The following KDM1B variants were observed in gnomAD, a reference collection of about 807,000 sequenced individuals.
The protein encoded by KDM1B is lysine-specific histone demethylase 2.
A neutral mutation model predicts 107.4 loss-of-function variants in KDM1B; 63 were observed. The observed-to-expected ratio is 0.59, with a 90% CI of 0.48 to 0.72. The LOEUF (loss-of-function observed/expected upper bound fraction) is 0.72, where lower values mean the gene tolerates loss of function less well. KDM1B is among the 30% of genes least tolerant of loss of function. KDM1B has a pLI of 0.00. For synonymous variants in KDM1B, 363 were observed against 363.9 expected (o/e 1.00, Z 0.03); for missense variants, 749 against 1,020.8 (o/e 0.73, Z 3.63).
At chr6:18,175,825 A>G (rs947106834) in intron 7 of KDM1B, among the ~76,000 whole-genome samples, 14 of 152,166 alleles carry the variant, frequency 9.2e-5, no homozygotes, top group African/African-American at 3.1e-4. Context: ...TCATTGGTCT[A>G]TGTGCCTATT....
At chr6:18,193,390 T>C (rs527535187) in intron 10 of KDM1B, among the ~76,000 whole-genome samples, 1 of 139,502 alleles carries the variant, frequency 7.2e-6, no homozygotes, top group African/African-American at 2.6e-5. Flanking sequence ...TACAGCAGCC[T>C]CGCCTTCCCA....
chr6:18,217,705 C>T (rs1313633722), intron 20 of KDM1B, 28 bp from the exon 21 acceptor site: 5 of 1,603,184 alleles, frequency 3.1e-6, no homozygotes, highest in Non-Finnish European at 4.3e-6. Context: ...CTTGATCCTA[C>T]TTCATAATTC....
intron 17 of KDM1B, among the ~76,000 whole-genome samples, chr6:18,208,828 TA>T (rs1371892730): frequency 7.9e-5 from 11 of 139,870 alleles, no homozygotes; most frequent in African/African-American, 2.9e-4. Context: ...TTTTTTTTTG[TA>T]TTTTTTAGTA....
chr6:18,161,082 A>G (rs1784943710), intron 3 of KDM1B, among the ~76,000 whole-genome samples: 1 of 152,152 alleles, frequency 6.6e-6, no homozygotes, highest in African/African-American at 2.4e-5. Flanking sequence ...AGAAAGACTC[A>G]TATGAATTTA....
rs796420952 is a variant in KDM1B at position 18,204,242 on chromosome 6, C to A, written c.1532-1295C>A. Among the ~76,000 whole-genome samples the A allele has an allele frequency of 1.3e-5, 2 of 152,078 alleles. No individual in the cohort carries two copies. Among genetic ancestry groups the A allele is most frequent in the Admixed American group, 6.6e-5 (1 of 15,264 alleles). On this transcript the variant is annotated intron_variant, in intron 14 of 21. Transcript: ENST00000650836. This position sits in a 1 kb window ranked among gnomAD's most constrained non-coding sequence, Gnocchi z 4.9. ...GATTACACCTGTAATCCCAGCACTT[C>A]GGGAGGCTGAGGTGGGTAGATTTCT...
At chr6:18,166,490 G>C (rs973277332) in intron 6 of KDM1B, 112 bp downstream of exon 6, 3 of 673,074 alleles carry the variant, frequency 4.5e-6, no homozygotes, top group Admixed American at 4.8e-5. Flanking sequence ...TTCCTTCTAT[G>C]ACTATTAAAG....
At chr6:18,202,455 A>G (rs1051118477) in intron 14 of KDM1B, among the ~76,000 whole-genome samples, 1 of 152,210 alleles carries the variant, frequency 6.6e-6, no homozygotes, top group South Asian at 2.1e-4. Context: ...TAAATGGGCA[A>G]TATTAGCCAC....
Position 18,212,307 on chromosome 6 carries a change from C to T in KDM1B, c.1867-181C>T, listed in dbSNP as rs953392482. ...TCAGGACGTTTTTTGCCCACTCTTC[C>T]CTGTGGTTGCCACTTCTGCTTAGCC... On this transcript the variant is annotated intron_variant, in intron 17 of 21. Coordinates refer to ENST00000650836, the MANE Select transcript of KDM1B (RefSeq NM_001364614.2). The surrounding 1 kb of genome is among the most constrained non-coding windows in gnomAD (Gnocchi z 5.2). The T allele has an allele frequency of 6.2e-6, 4 of 643,340 alleles. No individual in the cohort carries two copies. The highest frequency in any genetic ancestry group is 1.1e-5 in the Non-Finnish European group (4 of 357,060). The allele number at this position is 643,340 out of a possible 1,614,324, so 39.9% of individuals were successfully genotyped here.
chr6:18,193,294 CTTTCTT>C (rs1561934245), intron 10 of KDM1B, among the ~76,000 whole-genome samples: 3 of 118,792 alleles, frequency 2.5e-5, no homozygotes, highest in African/African-American at 1.0e-4. Context: ...GAAATGTGTG[CTTTCTT>C]TTTTTTTTTT....
rs141222425 is a variant in KDM1B, at chr6:18,186,973, T to TACACAC, written c.574-797_574-792dup. ...CAGTATGTATATATGTGTGTGTGTG[T>TACACAC]ACACACACACACACACACACACACA... On this transcript the variant is annotated intron_variant, in intron 8 of 21. Transcript: ENST00000650836. The surrounding 1 kb of genome is among the most constrained non-coding windows in gnomAD (Gnocchi z 5.6). 0.16 allele frequency among the ~76,000 whole-genome samples: 23,619 copies of TACACAC among 147,328 alleles called. 2,038 individuals are homozygous for TACACAC. Among genetic ancestry groups the TACACAC allele is most frequent in the Non-Finnish European group, 0.19 (12,901 of 66,998 alleles).
chr6:18,213,616 C>T lies in KDM1B; in HGVS notation c.1984-40C>T, dbSNP rs371880847. The T allele has an allele frequency of 8.7e-5, 140 of 1,610,952 alleles. No individual in the cohort carries two copies. The African/African-American group carries it at 1.2e-3, about 14-fold the overall frequency. ...TTAGATATTGCCTGTGGTTTTGTGA[C>T]GACAGACACCTAACCACCTTTCTTC... On this transcript the variant is annotated intron_variant, in intron 18 of 21. Coordinates refer to ENST00000650836, the MANE Select transcript of KDM1B (RefSeq NM_001364614.2). This position sits in a 1 kb window ranked among gnomAD's most constrained non-coding sequence, Gnocchi z 5.9.
At chr6:18,187,198 G>T (rs898697163) in intron 8 of KDM1B, among the ~76,000 whole-genome samples, 3 of 152,070 alleles carry the variant, frequency 2.0e-5, no homozygotes, top group Non-Finnish European at 4.4e-5. Context: ...GTCAACTCTG[G>T]AACAGTATCA....
At chr6:18,195,733 C>CAAA (rs774459443) in intron 10 of KDM1B, among the ~76,000 whole-genome samples, 1 of 107,840 alleles carries the variant, frequency 9.3e-6, no homozygotes, top group Non-Finnish European at 1.9e-5. Context: ...AACTCCATAT[C>CAAA]AAAAAAAAAA....
intron 6 of KDM1B, among the ~76,000 whole-genome samples, chr6:18,168,435 A>T (rs1785456788): frequency 6.6e-6 from 1 of 152,232 alleles, no homozygotes; most frequent in Admixed American, 6.5e-5. Flanking sequence ...AGGATGTGTC[A>T]GTACTTCATT....
At chr6:18,184,601 G>T (rs1389695234) in intron 7 of KDM1B, among the ~76,000 whole-genome samples, 1 of 151,946 alleles carries the variant, frequency 6.6e-6, no homozygotes, top group Non-Finnish European at 1.5e-5. Context: ...GCCCAACATT[G>T]TGAGATGTGT....
chr6:18,179,632 TC>T (rs902538673), intron 7 of KDM1B, among the ~76,000 whole-genome samples: 2 of 152,138 alleles, frequency 1.3e-5, no homozygotes, highest in African/African-American at 4.8e-5. Flanking sequence ...TTTGTCTTTT[TC>T]ATCTATGTTG....
rs1369192320 is a variant in KDM1B at position 18,200,124 on chromosome 6, T to A, written c.1222-315T>A. On this transcript the variant is annotated intron_variant, in intron 12 of 21. Coordinates refer to ENST00000650836, the MANE Select transcript of KDM1B (RefSeq NM_001364614.2). The surrounding 1 kb of genome is among the most constrained non-coding windows in gnomAD (Gnocchi z 4.3). ...CTTGGCCTCATGTGATCCTCCTGCC[T>A]CGGCCTCCCAAAGTGCTGGTATTAC... Among the ~76,000 whole-genome samples the A allele has an allele frequency of 6.6e-6, 1 of 152,218 alleles. No homozygotes were observed.
intron 21 of KDM1B, 128 bp from the exon 22 acceptor site, chr6:18,221,779 AGT>A (rs1254309579): frequency 1.4e-6 from 1 of 708,670 alleles, no homozygotes; most frequent in African/African-American, 1.8e-5. Flanking sequence ...ACGATGGGTG[AGT>A]GTGAATATGA....
At chr6:18,163,103 T>G (rs1785072774) in intron 5 of KDM1B, among the ~76,000 whole-genome samples, 179 bp downstream of exon 5, 1 of 152,186 alleles carries the variant, frequency 6.6e-6, no homozygotes, top group African/African-American at 2.4e-5. Context: ...GTGTGCATGT[T>G]TGTGTGTGTG....
Sources: gnomAD v4.1 joint callset for allele counts (sites outside exome capture counted in the v4.1 genomes callset) on GRCh38, gnomAD v4.1.1 for gene constraint, Gnocchi (gnomAD v3.1) non-coding constraint, MANE v1.5 for transcripts, NCBI Gene and HGNC (gene_info 2026-07-23, HGNC 2026-07-21) for gene names.